Variants in ZZEF1 observed in about 807,000 individuals in gnomAD.
ZZEF1 encodes the protein zinc finger ZZ-type and EF-hand domain-containing protein 1.
In ZZEF1, 157 loss-of-function variants were observed where a neutral mutation model predicts 342.8. The observed-to-expected ratio is 0.46, with a 90% CI of 0.40 to 0.52. The LOEUF (loss-of-function observed/expected upper bound fraction) is 0.52. Ranked by LOEUF, ZZEF1 falls within the 20% of genes least tolerant of loss-of-function variation. The probability of loss-of-function intolerance (pLI) is 0.00; values close to 1 mark genes in which losing one functional copy is unlikely to be tolerated. For synonymous variants in ZZEF1, 1,505 were observed against 1,429.1 expected (o/e 1.05, Z -1.20); for missense variants, 3,480 against 3,725.6 (o/e 0.93, Z 1.72).
chr17:4,061,751 G>C (rs776091829), intron 30 of ZZEF1, among the ~76,000 whole-genome samples: 1 of 151,888 alleles, frequency 6.6e-6, no homozygotes, highest in Non-Finnish European at 1.5e-5. Flanking sequence ...TTATCCAACC[G>C]TAAGTCCTGA....
chr17:4,082,751 T>G (rs745693640), intron 16 of ZZEF1, among the ~76,000 whole-genome samples: 2 of 152,168 alleles, frequency 1.3e-5, no homozygotes, highest in Admixed American at 1.3e-4. Flanking sequence ...TCAAGTTTCC[T>G]GCTTAGGGAA....
intron 2 of ZZEF1, among the ~76,000 whole-genome samples, chr17:4,121,493 G>T (rs780590564): frequency 1.3e-5 from 2 of 152,082 alleles, no homozygotes; most frequent in African/African-American, 4.8e-5. Context: ...GGACGTGGTG[G>T]CAGTTGCCTG....
chr17:4,059,372 A>G (rs2057237256), intron 30 of ZZEF1, 82 bp from the exon 31 acceptor site: 1 of 1,530,786 alleles, frequency 6.5e-7, no homozygotes, highest in African/African-American at 1.4e-5. Context: ...TTACATGAAA[A>G]AGAGCAAGTG....
chr17:4,027,579 G>A (rs1330406116), intron 42 of ZZEF1, among the ~76,000 whole-genome samples: 1 of 146,920 alleles, frequency 6.8e-6, no homozygotes, highest in Non-Finnish European at 1.5e-5. Flanking sequence ...ACAGGCATGA[G>A]CCACTGTGCC....
rs146613881 is a variant in ZZEF1 at position 4,075,382 on chromosome 17, C to A, written c.3282G>T (p.Thr1094=). Residue 1094 remains threonine (T), a synonymous_variant, in exon 22 of 55, where the codon ACG becomes ACT. Coordinates refer to ENST00000381638, the MANE Select transcript of ZZEF1 (RefSeq NM_015113.4). The part of the protein sequence containing the change: ...WQQEQPVVLH[T]WTKESAHNYE... ...AGTTGTGGGCAGATTCCTTCGTCCA[C>A]GTATGTAACACCACAGGCTGTTCCT... 6.2e-7 allele frequency: 1 copy of A among 1,614,232 alleles called. No individual in the cohort carries two copies. The highest frequency in any genetic ancestry group is 1.7e-5 in the Admixed American group (1 of 60,020).
At chr17:4,071,012 T>C in intron 25 of ZZEF1, 88 bp from the exon 26 acceptor site, 1 of 1,475,324 alleles carries the variant, frequency 6.8e-7, no homozygotes, top group South Asian at 1.3e-5. Flanking sequence ...AAAGCAGAAG[T>C]ATAAAACACA....
At position 4,006,545 on chromosome 17, in the gene ZZEF1, G is replaced by A. The variant is rs958735284; in HGVS notation, c.*345C>T. The A allele has an allele frequency of 6.1e-6, 2 of 327,990 alleles. No individual in the cohort carries two copies. The highest frequency in any genetic ancestry group is 9.0e-5 in the East Asian group (1 of 11,124). The allele number at this position is 327,990 out of a possible 1,614,324, so 20.3% of individuals were successfully genotyped here. ...AGGCAGTTCCAGCTCCACGGAGACA[G>A]AAACCAGTTGAGAGAGGCCGCTTCC... On this transcript the variant is annotated 3_prime_UTR_variant, in exon 55 of 55. Transcript: ENST00000381638.
intron 19 of ZZEF1, 102 bp from the exon 20 acceptor site, chr17:4,077,091 G>T: frequency 8.3e-7 from 1 of 1,200,208 alleles, no homozygotes; most frequent in South Asian, 2.3e-5. Flanking sequence ...AGCTGCAGAG[G>T]GGGTTCCACA....
At position 4,119,377 on chromosome 17, in the gene ZZEF1, C is replaced by T. The variant is rs150681750; in HGVS notation, c.500-2211G>A. ...AATGTCTGCAATCCCTCCAGGAGTG[C>T]GATATTGTTTCTGATTTACTATTTT... On this transcript the variant is annotated intron_variant, in intron 2 of 54. Coordinates refer to ENST00000381638, the MANE Select transcript of ZZEF1 (RefSeq NM_015113.4). 3.3e-3 allele frequency among the ~76,000 whole-genome samples: 508 copies of T among 152,272 alleles called. 5 individuals are homozygous for T. Among genetic ancestry groups the T allele is most frequent in the Non-Finnish European group, 4.0e-3 (269 of 68,036 alleles).
chr17:4,117,951 CATCAT>C (rs2145518914), intron 2 of ZZEF1, among the ~76,000 whole-genome samples: 1 of 152,250 alleles, frequency 6.6e-6, no homozygotes, highest in South Asian at 2.1e-4. Flanking sequence ...CTTCCACATA[CATCAT>C]ATCATTCCAT....
At chr17:4,103,915 C>G (rs1352013613) in intron 8 of ZZEF1, among the ~76,000 whole-genome samples, 1 of 152,116 alleles carries the variant, frequency 6.6e-6, no homozygotes, top group African/African-American at 2.4e-5. Flanking sequence ...GCAAGACACT[C>G]TCTCTCAAAA....
Position 4,109,619 on chromosome 17 carries a change from T to C in ZZEF1, c.1277+34A>G, listed in dbSNP as rs200673235. ...AGGATGATGGGAGAATGAGGGCATG[T>C]TGAGGGGGCTGGAACATAGAGAGAA... On this transcript the variant is annotated intron_variant, in intron 6 of 54. Coordinates refer to ENST00000381638, the MANE Select transcript of ZZEF1 (RefSeq NM_015113.4). 61 of 1,607,644 alleles carry C rather than the reference T, an allele frequency of 3.8e-5. No individual in the cohort carries two copies. In the East Asian group the frequency reaches 4.9e-4, roughly 13 times the overall value.
At chr17:4,023,086 C>T (rs2056311785) in intron 43 of ZZEF1, among the ~76,000 whole-genome samples, 1 of 152,180 alleles carries the variant, frequency 6.6e-6, no homozygotes, top group African/African-American at 2.4e-5. Context: ...GGCTGCGCCC[C>T]ACCTTTCCTG....
Position 4,077,983 on chromosome 17 carries a change from C to A in ZZEF1, c.2889G>T (p.Leu963=), listed in dbSNP as rs948336523. The A allele has an allele frequency of 6.2e-7, 1 of 1,614,184 alleles. No homozygotes were observed. The highest frequency in any genetic ancestry group is 1.7e-5 in the Admixed American group (1 of 60,024). ...GCAGGCTGCCTTGGACGGACCAGAACAGGGAGAAGAGCACAGAGCCCACCT... is the reference window on the plus strand; with the variant it reads ...GCAGGCTGCCTTGGACGGACCAGAAAAGGGAGAAGAGCACAGAGCCCACCT... ...PGEVGSVLFS[L]FWSVQGSLLS... Residue 963 remains leucine, a synonymous_variant, in exon 19 of 55, where the codon CTG becomes CTT. Transcript: ENST00000381638.
At chr17:4,041,723 T>C (rs1337735273) in intron 39 of ZZEF1, among the ~76,000 whole-genome samples, 2 of 152,030 alleles carry the variant, frequency 1.3e-5, no homozygotes, top group African/African-American at 2.4e-5. Flanking sequence ...ACAGGAACAG[T>C]CTAGAAAATT....
intron 2 of ZZEF1, 122 bp downstream of exon 2, chr17:4,123,785 G>A (rs2058529083): frequency 7.3e-6 from 8 of 1,088,530 alleles, no homozygotes; most frequent in African/African-American, 3.2e-5. Context: ...AATTCAGATC[G>A]GGAGCCTAAT....
chr17:4,044,326 T>C lies in ZZEF1; in HGVS notation c.6064A>G (p.Arg2022Gly). ...EEIRPVDFKQRNKADKGVSLS... is the reference protein window; with the variant it reads ...EEIRPVDFKQGNKADKGVSLS... ...GATACACCTTTATCTGCCTTATTTCTCTGCTTGAAATCTACAGGTCTGATT... is the reference window on the plus strand; with the variant it reads ...GATACACCTTTATCTGCCTTATTTCCCTGCTTGAAATCTACAGGTCTGATT... The change falls in exon 38 of 55, where the codon AGA becomes GGA. Residue 2022 changes from arginine (R) to glycine (G), a missense_variant. Physicochemically the swap from Arg to Gly is moderately radical, Grantham distance 125 (BLOSUM62 -2). Coordinates refer to ENST00000381638, the MANE Select transcript of ZZEF1 (RefSeq NM_015113.4). 1.2e-6 allele frequency: 2 copies of C among 1,614,140 alleles called. No homozygotes were observed. Among genetic ancestry groups the C allele is most frequent in the Non-Finnish European group, 1.7e-6 (2 of 1,179,986 alleles).
At chr17:4,120,260 G>A (rs1383156842) in intron 2 of ZZEF1, among the ~76,000 whole-genome samples, 1 of 152,094 alleles carries the variant, frequency 6.6e-6, no homozygotes, top group Non-Finnish European at 1.5e-5. Flanking sequence ...GGGAGGCTGA[G>A]GCAGGAGAAT....
chr17:4,138,928 T>G (rs536884389), intron 1 of ZZEF1, among the ~76,000 whole-genome samples: 1 of 152,206 alleles, frequency 6.6e-6, no homozygotes, highest in South Asian at 2.1e-4. Flanking sequence ...AGAAAAGGTG[T>G]GTTGTACTAT....
Sources: allele counts gnomAD v4.1 joint callset (sites outside exome capture counted in the v4.1 genomes callset), GRCh38; gene constraint gnomAD v4.1.1; transcripts MANE v1.5; gene names NCBI Gene and HGNC (gene_info 2026-07-23, HGNC 2026-07-21).